Variants in FTO observed in about 807,000 individuals in gnomAD.
FTO encodes FTO alpha-ketoglutarate dependent dioxygenase, also known as alpha-ketoglutarate-dependent dioxygenase FTO.
FTO carries 47 observed loss-of-function variants against 63.9 expected under a neutral mutation model. That is an observed-to-expected ratio of 0.74 (90% CI 0.58 to 0.94). FTO has a LOEUF of 0.94. Among genes scored for constraint, FTO ranks in the 40% least tolerant of loss-of-function variants. The probability of loss-of-function intolerance (pLI) is 0.00; values close to 1 mark genes in which losing one functional copy is unlikely to be tolerated. For synonymous variants in FTO, 207 were observed against 224.4 expected (o/e 0.92, Z 0.69); for missense variants, 562 against 618.1 (o/e 0.91, Z 0.96).
At chr16:53,992,465 G>A (rs780495815) in intron 8 of FTO, 10 of 152,032 alleles carry the variant, frequency 6.6e-5, no homozygotes, top group Admixed American at 1.3e-4. Flanking sequence ...TGGACATCCT[G>A]TCTCTGTCCT....
intron 1 of FTO, among the ~76,000 whole-genome samples, chr16:53,721,940 A>G (rs766633768): frequency 2.6e-5 from 4 of 152,180 alleles, no homozygotes; most frequent in Admixed American, 6.6e-5. Context: ...GGGAGACTTC[A>G]TATCTCAGAT....
chr16:53,779,823 T>C (rs937675580), intron 1 of FTO, among the ~76,000 whole-genome samples: 2 of 152,216 alleles, frequency 1.3e-5, no homozygotes, highest in African/African-American at 4.8e-5. Flanking sequence ...TTAGATGCTC[T>C]AGTAGGTGTT....
intron 8 of FTO, among the ~76,000 whole-genome samples, chr16:54,023,424 G>A (rs1161383206): frequency 6.6e-6 from 1 of 152,134 alleles, no homozygotes; most frequent in South Asian, 2.1e-4. Flanking sequence ...ATCTTCTACC[G>A]TTTTCATTAA....
At chr16:53,801,293 GA>G (rs2078215087) in intron 1 of FTO, among the ~76,000 whole-genome samples, 1 of 151,358 alleles carries the variant, frequency 6.6e-6, no homozygotes, top group African/African-American at 2.4e-5. Flanking sequence ...TATCGTATCG[GA>G]ATCTTTCTTG....
At chr16:54,067,582 G>A (rs2085763557) in intron 8 of FTO, among the ~76,000 whole-genome samples, 1 of 152,204 alleles carries the variant, frequency 6.6e-6, no homozygotes, top group Non-Finnish European at 1.5e-5. Context: ...TATATTAACA[G>A]TCCGTCCATA....
At chr16:53,885,451 C>G (rs1373520809) in intron 6 of FTO, among the ~76,000 whole-genome samples, 2 of 152,172 alleles carry the variant, frequency 1.3e-5, no homozygotes, top group East Asian at 3.9e-4. Flanking sequence ...AGTACTTCAA[C>G]TCATGAATAA....
intron 8 of FTO, among the ~76,000 whole-genome samples, chr16:54,100,824 G>A (rs1322368295): frequency 6.6e-6 from 1 of 152,182 alleles, no homozygotes; most frequent in Non-Finnish European, 1.5e-5. Flanking sequence ...CAGGAGAAAG[G>A]CAGTGCTGTG....
intron 1 of FTO, among the ~76,000 whole-genome samples, chr16:53,733,386 G>A (rs2076316686): frequency 6.6e-6 from 1 of 152,058 alleles, no homozygotes; most frequent in Non-Finnish European, 1.5e-5. Context: ...TGGGTAACAA[G>A]AGCAAAACTC....
chr16:54,080,629 A>G (rs2086118953), intron 8 of FTO, among the ~76,000 whole-genome samples: 1 of 152,180 alleles, frequency 6.6e-6, no homozygotes, highest in African/African-American at 2.4e-5. Context: ...TGAAGGACCC[A>G]TCACCCAAGA....
At chr16:53,872,574 G>C (rs1409762508) in intron 4 of FTO, among the ~76,000 whole-genome samples, 1 of 152,130 alleles carries the variant, frequency 6.6e-6, no homozygotes, top group East Asian at 1.9e-4. Context: ...ATTATATCTT[G>C]CTGAAACCTT....
At chr16:53,707,649 G>A (rs2075661403) in intron 1 of FTO, among the ~76,000 whole-genome samples, 1 of 152,164 alleles carries the variant, frequency 6.6e-6, no homozygotes, top group Non-Finnish European at 1.5e-5. Context: ...GGTGTGCAGT[G>A]ATATTTGATT....
At chr16:54,105,210 T>C (rs970654063) in intron 8 of FTO, among the ~76,000 whole-genome samples, 2 of 152,196 alleles carry the variant, frequency 1.3e-5, no homozygotes, top group Admixed American at 6.5e-5. Context: ...TAGATACTTA[T>C]GCTGTAAGGG....
intron 8 of FTO, among the ~76,000 whole-genome samples, chr16:53,997,142 AAGAG>A (rs71380054): frequency 2.2e-4 from 31 of 143,480 alleles, no homozygotes; most frequent in Admixed American, 3.5e-4. Flanking sequence ...GAAGGAAAGA[AAGAG>A]AGAGAGAGAG....
At chr16:53,802,251 T>A (rs1166311806) in intron 1 of FTO, among the ~76,000 whole-genome samples, 1 of 152,212 alleles carries the variant, frequency 6.6e-6, no homozygotes, top group East Asian at 1.9e-4. Flanking sequence ...AAATCATCTT[T>A]AGATTACTTA....
At chr16:53,851,983 C>T (rs2079812290) in intron 4 of FTO, among the ~76,000 whole-genome samples, 2 of 151,442 alleles carry the variant, frequency 1.3e-5, no homozygotes, top group African/African-American at 2.4e-5. Flanking sequence ...TCTTTAATAA[C>T]TTTAAGCATT....
Position 53,822,667 on chromosome 16 carries a change from C to T in FTO, c.124-3197C>T, listed in dbSNP as rs192824509. On this transcript the variant is annotated intron_variant, in intron 2 of 8. Coordinates refer to ENST00000471389, the MANE Select transcript of FTO (RefSeq NM_001080432.3). ...CTCGTGTCTGTTTTATAATAATATT[C>T]ATATTAAACCTATTTGTGTGTATAT... 3.7e-3 allele frequency among the ~76,000 whole-genome samples: 561 copies of T among 152,104 alleles called. 1 individual carries two copies. The highest frequency in any genetic ancestry group is 6.7e-3 in the Non-Finnish European group (453 of 67,970).
At chr16:53,910,371 A>G (rs984261048) in intron 7 of FTO, among the ~76,000 whole-genome samples, 1 of 152,104 alleles carries the variant, frequency 6.6e-6, no homozygotes, top group Admixed American at 6.5e-5. Context: ...AAGTGATCCA[A>G]TCGACCCATT....
chr16:53,966,302 A>C (rs1364620718), intron 8 of FTO, among the ~76,000 whole-genome samples: 1 of 152,216 alleles, frequency 6.6e-6, no homozygotes, highest in Non-Finnish European at 1.5e-5. Flanking sequence ...TAAAATAAGT[A>C]AATCCATAGT....
chr16:54,025,771 G>C (rs1423664530), intron 8 of FTO, among the ~76,000 whole-genome samples: 2 of 152,116 alleles, frequency 1.3e-5, no homozygotes, highest in African/African-American at 4.8e-5. Flanking sequence ...CCAGCACTTT[G>C]GGAGGCCAAG....
Sources: gnomAD v4.1 joint callset for allele counts (sites outside exome capture counted in the v4.1 genomes callset) on GRCh38, gnomAD v4.1.1 for gene constraint, MANE v1.5 for transcripts, NCBI Gene and HGNC (gene_info 2026-07-23, HGNC 2026-07-21) for gene names.